The following RIF1 variants were observed in gnomAD, a reference collection of about 807,000 sequenced individuals.
The protein encoded by RIF1 is telomere-associated protein RIF1.
RIF1 carries 45 observed loss-of-function variants against 247.1 expected under a neutral mutation model. The observed-to-expected ratio is 0.18, with a 90% CI of 0.14 to 0.23. The LOEUF (loss-of-function observed/expected upper bound fraction) is 0.23, where lower values mean the gene tolerates loss of function less well. RIF1 is among the 10% of genes least tolerant of loss of function. The pLI is 1.00. For synonymous variants in RIF1, 1,087 were observed against 978.8 expected (o/e 1.11, Z -2.06); for missense variants, 2,967 against 2,862.5 (o/e 1.04, Z -0.83).
the RIF1 span, among the ~76,000 whole-genome samples, chr2:151,517,101 T>C: frequency 6.6e-6 from 1 of 152,098 alleles, no homozygotes; most frequent in African/African-American, 2.4e-5. Flanking sequence ...AGCCAATAAA[T>C]TGGTATAAAA....
At chr2:151,534,338 A>G in the RIF1 span, 9 of 1,596,770 alleles carry the variant, frequency 5.6e-6, no homozygotes, top group African/African-American at 1.1e-4. Context: ...ACATCATAGC[A>G]TATTATAGCA....
In RIF1 at chr2:151,463,613, G is replaced by A. The variant is rs1384819768; in HGVS notation, c.4093G>A (p.Ala1365Thr). The change falls in exon 30 of 36, where the codon GCT (alanine) becomes ACT (threonine). Residue 1365 changes from alanine to threonine, a missense_variant. Coordinates refer to ENST00000444746, the MANE Select transcript of RIF1 (RefSeq NM_018151.5). ...TKLKAATVEN[A>T]VLLETNTVEE... The stretch of plus-strand genomic sequence containing the variant: ...GCTTAAAGCAGCAACAGTGGAAAAT[G>A]CTGTATTATTGGAAACTAATACTGT... 1.2e-6 allele frequency: 2 copies of A among 1,613,540 alleles called. No individual in the cohort carries two copies. Among genetic ancestry groups the A allele is most frequent in the East Asian group, 4.5e-5 (2 of 44,860 alleles).
Position 151,464,577 on chromosome 2 carries a change from G to A in RIF1, c.5057G>A (p.Arg1686Gln), listed in dbSNP as rs61748233. ...AATGCCATTAAGAGATTACATAAGC[G>A]AGACTCTTTTGATAATTGTAGTTTG... is the stretch of plus-strand genomic sequence containing the variant. ...TRNAIKRLHK[R>Q]DSFDNCSLGE... The change falls in exon 30 of 36, where the codon CGA becomes CAA. Residue 1686 changes from arginine (R) to glutamine (Q), a missense_variant. This residue lies in a region of RIF1 where 2,028 missense variants were observed against 1,825.6 expected (regional missense o/e 1.11). Transcript: ENST00000444746. The A allele has an allele frequency of 1.4e-3, 2,253 of 1,613,370 alleles. 8 individuals carry two copies. Among genetic ancestry groups the A allele is most frequent in the South Asian group, 3.7e-3 (339 of 90,958 alleles).
chr2:151,501,778 T>C (rs774910685), intron 11 of RIF1, among the ~76,000 whole-genome samples: 1 of 151,934 alleles, frequency 6.6e-6, no homozygotes, highest in South Asian at 2.1e-4. Flanking sequence ...TTCAAACTAA[T>C]TGAAATTAAT....
chr2:151,436,819 T>C lies in RIF1; in HGVS notation c.1196-8T>C, dbSNP rs573734650. ...TATGACTTAACTCTTTTTTTTTTTTTCTTAAAGGTGCTTCCTCCCCGTACG... is the reference window on the plus strand; with the variant it reads ...TATGACTTAACTCTTTTTTTTTTTTCCTTAAAGGTGCTTCCTCCCCGTACG... On this transcript the variant is annotated splice_polypyrimidine_tract_variant and splice_region_variant and intron_variant, in intron 11 of 35. Transcript: ENST00000444746. 25 of 1,558,110 alleles carry C rather than the reference T, an allele frequency of 1.6e-5. No homozygotes were observed. In the East Asian group the frequency reaches 1.8e-4, roughly 11 times the overall value.
chr2:151,410,221 CTCAGGTG>C, intron 1 of RIF1, 186 bp from the exon 2 acceptor site: 1 of 634,108 alleles, frequency 1.6e-6, no homozygotes, highest in Non-Finnish European at 2.8e-6. Flanking sequence ...GTGGCGTGGG[CTCAGGTG>C]TCTGGTGTCG....
At chr2:151,442,388 TAA>T (rs34173773) in intron 16 of RIF1, among the ~76,000 whole-genome samples, 30 of 134,758 alleles carry the variant, frequency 2.2e-4, no homozygotes, top group Admixed American at 3.0e-4. Context: ...CCCTTTTTTT[TAA>T]AAAAAAAAAA....
intron 4 of RIF1, 111 bp from the exon 5 acceptor site, chr2:151,416,450 A>G: frequency 6.9e-6 from 7 of 1,015,840 alleles, no homozygotes; most frequent in Non-Finnish European, 8.6e-6. Context: ...TGTTCTCTGG[A>G]TATACATTTA....
intron 21 of RIF1, among the ~76,000 whole-genome samples, chr2:151,453,215 T>C (rs537013834): frequency 6.6e-6 from 1 of 152,280 alleles, no homozygotes; most frequent in South Asian, 2.1e-4. Context: ...TGAACCATTT[T>C]AAGGTATAGT....
the RIF1 span, chr2:151,514,189 T>C: frequency 8.9e-6 from 6 of 673,122 alleles, 1 homozygote; most frequent in East Asian, 5.0e-5. Flanking sequence ...TATGTTGATA[T>C]GGAATCTGAA....
chr2:151,448,407 TCTC>T (rs1374104286), intron 20 of RIF1, among the ~76,000 whole-genome samples: 9 of 152,190 alleles, frequency 5.9e-5, no homozygotes, highest in South Asian at 2.1e-4. Flanking sequence ...TCACACGTCT[TCTC>T]CTCAGTAATA....
At chr2:151,410,695 A>G (rs1342632360) in intron 2 of RIF1, among the ~76,000 whole-genome samples, 168 bp downstream of exon 2, 1 of 152,034 alleles carries the variant, frequency 6.6e-6, no homozygotes, top group East Asian at 1.9e-4. Context: ...ATTCTAGGTG[A>G]CGTTCCCGGG....
At chr2:151,448,210 A>C (rs1693654900) in intron 20 of RIF1, among the ~76,000 whole-genome samples, 1 of 151,550 alleles carries the variant, frequency 6.6e-6, no homozygotes, top group African/African-American at 2.4e-5. Context: ...TGCCTGGCTA[A>C]TTTTTGTATT....
downstream of RIF1, chr2:151,485,764 A>G: frequency 6.2e-7 from 1 of 1,608,516 alleles, no homozygotes; most frequent in Non-Finnish European, 8.5e-7. Flanking sequence ...AAATGCCTAA[A>G]TAGCTTCAAC....
Position 151,491,665 on chromosome 2 carries a change from CTT to C in RIF1, c.*416-3560_*416-3559del, listed in dbSNP as rs1222356448. The C allele has an allele frequency of 3.2e-6, 5 of 1,547,388 alleles. No homozygotes were observed. The highest frequency in any genetic ancestry group is 3.5e-6 in the Non-Finnish European group (4 of 1,135,364). ...AAATGGTGATGTTTATGTTGTAAGC[CTT>C]TTTCAGCTAACACACCATTAATCAT... On this transcript the variant is annotated intron_variant and NMD_transcript_variant, in intron 9 of 13. Coordinates refer to the RIF1 transcript ENST00000454583.
rs371270146 is a variant in RIF1, at chr2:151,493,832, G to A, written c.*416-1397G>A. Reference sequence around the variant, plus strand: ...TTTCCATCTCAGGAGTAAAGGGTGTGGGGGTTGCTTTCCCCAGGTTCTCTT... The same window carrying A: ...TTTCCATCTCAGGAGTAAAGGGTGTAGGGGTTGCTTTCCCCAGGTTCTCTT... On this transcript the variant is annotated intron_variant and NMD_transcript_variant, in intron 9 of 13. Transcript: ENST00000454583. 39 of 1,584,860 alleles carry A rather than the reference G, an allele frequency of 2.5e-5. 1 individual carries two copies. In the African/African-American group the frequency reaches 2.8e-4, roughly 11 times the overall value.
chr2:151,428,766 AT>A lies in RIF1; in HGVS notation c.787-12del, dbSNP rs780037198. The stretch of plus-strand genomic sequence containing the variant: ...CATGCAGATAAATAACTTCTTAATG[AT>A]TTTTTCCCCTTTTTAGACCTTGCAT... On this transcript the variant is annotated splice_polypyrimidine_tract_variant and intron_variant, in intron 8 of 35. Transcript: ENST00000444746. 6.3e-7 allele frequency: 1 copy of A among 1,579,434 alleles called. No individual in the cohort carries two copies. Among genetic ancestry groups the A allele is most frequent in the Non-Finnish European group, 8.7e-7 (1 of 1,150,062 alleles).
rs1216350200 is a variant in RIF1, at chr2:151,498,974, A to ATCTT, written c.*514-369_*514-366dup. Among the ~76,000 whole-genome samples, 9 of 152,332 alleles carry ATCTT rather than the reference A, an allele frequency of 5.9e-5. No homozygotes were observed. In the East Asian group the frequency reaches 1.5e-3, roughly 26 times the overall value. ...AATAAGAAACGAGGATAATAGTCGGATCTTTGCAAAATACATTTGTTTAAG... is the reference window on the plus strand; with the variant it reads ...AATAAGAAACGAGGATAATAGTCGGATCTTTCTTTGCAAAATACATTTGTTTAAG... On this transcript the variant is annotated intron_variant and NMD_transcript_variant, in intron 10 of 13. Coordinates refer to the RIF1 transcript ENST00000454583.
chr2:151,507,924 C>G, exon 14 of RIF1: 1 of 998,234 alleles, frequency 1.0e-6, no homozygotes. Context: ...AGCCCCACTG[C>G]AAGCCTGGGA....
Sources: gnomAD v4.1 joint callset for allele counts (sites outside exome capture counted in the v4.1 genomes callset) on GRCh38, gnomAD v4.1.1 for gene constraint, gnomAD v4.1.1 regional missense constraint, MANE v1.5 for transcripts, NCBI Gene and HGNC (gene_info 2026-07-23, HGNC 2026-07-21) for gene names.